Variants in DEPDC5 observed in about 807,000 individuals in gnomAD.
The protein encoded by DEPDC5 is GATOR1 complex protein DEPDC5.
A neutral mutation model predicts 217.3 loss-of-function variants in DEPDC5; 73 were observed. That is an observed-to-expected ratio of 0.34 (90% CI 0.28 to 0.41). DEPDC5 has a LOEUF of 0.41. DEPDC5 is among the 10% of genes least tolerant of loss of function. DEPDC5 has a pLI of 1.00. For missense variants in DEPDC5, 1,675 were observed against 2,070.1 expected (o/e 0.81, Z 3.70); for synonymous variants, 733 against 756.7 (o/e 0.97, Z 0.51).
chr22:31,855,835 TA>T (rs1251354140), intron 31 of DEPDC5, among the ~76,000 whole-genome samples: 1 of 152,296 alleles, frequency 6.6e-6, no homozygotes, highest in Non-Finnish European at 1.5e-5. Flanking sequence ...AAAAAAAATT[TA>T]AGGGAGAGTG....
Position 31,870,723 on chromosome 22 carries a change from C to A in DEPDC5, c.3464C>A (p.Ser1155Tyr). Residue 1155 changes from serine to tyrosine, a missense_variant, in exon 34 of 43, where the codon TCC becomes TAC. Physicochemically the swap from Ser to Tyr is moderately radical, Grantham distance 144. Coordinates refer to ENST00000651528, the MANE Select transcript of DEPDC5 (RefSeq NM_001242896.3). ...AACATAGGAGAACAGGGCTACTCCT[C>A]CACAAACTCCAGTGACAGCAGGTGA... ...SQNIGEQGYS[S>Y]TNSSDSSSQQ... The A allele has an allele frequency of 6.3e-7, 1 of 1,578,772 alleles. No homozygotes were observed. The highest frequency in any genetic ancestry group is 8.6e-7 in the Non-Finnish European group (1 of 1,165,258).
At chr22:31,758,414 G>A (rs2082111721) in intron 2 of DEPDC5, 132 bp from the exon 3 acceptor site, 7 of 745,478 alleles carry the variant, frequency 9.4e-6, no homozygotes, top group East Asian at 5.3e-5. Flanking sequence ...TGTAAGCCTC[G>A]TTTCAAAATA....
At position 31,818,974 on chromosome 22, in the gene DEPDC5, G is replaced by A. The variant is rs779240922; in HGVS notation, c.1667-48G>A. On this transcript the variant is annotated intron_variant, in intron 21 of 42. Transcript: ENST00000651528. The stretch of plus-strand genomic sequence containing the variant: ...CATTCTACCTAGCTCTGGTTTCACT[G>A]TGGTTCTGTGGTTTTTCTTTGTGAC... The A allele has an allele frequency of 3.1e-6, 5 of 1,598,598 alleles. No homozygotes were observed. In the Admixed American group the frequency reaches 6.7e-5, roughly 21 times the overall value.
At chr22:31,866,883 A>G (rs1307793303) in intron 33 of DEPDC5, among the ~76,000 whole-genome samples, 2 of 152,228 alleles carry the variant, frequency 1.3e-5, no homozygotes, top group African/African-American at 4.8e-5. Flanking sequence ...TCCACACAAC[A>G]TCACTGGCGA....
At chr22:31,820,648 G>A (rs1045075747) in intron 22 of DEPDC5, among the ~76,000 whole-genome samples, 1 of 151,996 alleles carries the variant, frequency 6.6e-6, no homozygotes, top group African/African-American at 2.4e-5. Context: ...TGTCTCCACT[G>A]GTTCCCTTCC....
At chr22:31,771,373 G>T (rs982976339) in intron 7 of DEPDC5, among the ~76,000 whole-genome samples, 1 of 152,098 alleles carries the variant, frequency 6.6e-6, no homozygotes, top group Non-Finnish European at 1.5e-5. Flanking sequence ...ATCACTTGAG[G>T]CCAGGAGTTC....
chr22:31,854,434 G>A (rs754153371), intron 31 of DEPDC5, among the ~76,000 whole-genome samples: 1 of 152,200 alleles, frequency 6.6e-6, no homozygotes, highest in Non-Finnish European at 1.5e-5. Context: ...TGGTGTCAGT[G>A]GACAAGGAAA....
chr22:31,772,708 G>A (rs368456073), intron 7 of DEPDC5, among the ~76,000 whole-genome samples: 1 of 151,488 alleles, frequency 6.6e-6, no homozygotes, highest in East Asian at 1.9e-4. Context: ...TGCCAGCCTC[G>A]GTTTGGAAAC....
chr22:31,889,305 T>C (rs1349163353), intron 38 of DEPDC5, among the ~76,000 whole-genome samples: 3 of 152,232 alleles, frequency 2.0e-5, no homozygotes, highest in African/African-American at 4.8e-5. Flanking sequence ...TAGAAACATA[T>C]GTACTGCCAA....
In DEPDC5 at chr22:31,906,265, G is replaced by A. The variant is rs200552561; in HGVS notation, c.4580G>A (p.Arg1527Gln). 84 of 1,613,812 alleles carry A rather than the reference G, an allele frequency of 5.2e-5. No individual in the cohort carries two copies. The highest frequency in any genetic ancestry group is 8.8e-5 in the South Asian group (8 of 91,090). Residue 1527 changes from arginine (R) to glutamine (Q), a missense_variant, in exon 43 of 43, where the codon CGG becomes CAG. Around this residue, in one of 11 missense-constraint regions of DEPDC5, gnomAD observed 182 missense variants for 290.1 expected, o/e 0.63. Coordinates refer to ENST00000651528, the MANE Select transcript of DEPDC5 (RefSeq NM_001242896.3). The surrounding 1 kb of genome is among the most constrained non-coding windows in gnomAD (Gnocchi z 5.1). ...KRKFSGQQRR[R>Q]RNSTSSTNQN... ...AAGTTCTCAGGGCAGCAGCGGCGGC[G>A]GCGGAACTCCACCAGCTCCACCAAC...
chr22:31,776,990 TCTCG>T (rs2083928298), intron 7 of DEPDC5, among the ~76,000 whole-genome samples: 1 of 151,708 alleles, frequency 6.6e-6, no homozygotes, highest in East Asian at 1.9e-4. Flanking sequence ...TGAGACAGAG[TCTCG>T]CTCTGTTGCC....
intron 24 of DEPDC5, among the ~76,000 whole-genome samples, chr22:31,827,888 A>G (rs1473211718): frequency 6.6e-6 from 1 of 152,106 alleles, no homozygotes; most frequent in East Asian, 1.9e-4. Flanking sequence ...TATGACTATT[A>G]ATAGTGTCCC....
At chr22:31,769,487 T>TTAGA (rs2083139834) in intron 7 of DEPDC5, 1 of 152,150 alleles carries the variant, frequency 6.6e-6, no homozygotes, top group African/African-American at 2.4e-5. Context: ...GGAAACAGGT[T>TTAGA]TAGAAACATA....
chr22:31,790,725 C>A (rs1387131565), intron 10 of DEPDC5, among the ~76,000 whole-genome samples: 2 of 151,738 alleles, frequency 1.3e-5, no homozygotes, highest in Non-Finnish European at 2.9e-5. Context: ...TATGATGAAA[C>A]CCTATCTCTC....
chr22:31,872,878 C>T (rs527989291), intron 34 of DEPDC5, among the ~76,000 whole-genome samples: 4 of 152,170 alleles, frequency 2.6e-5, no homozygotes, highest in Non-Finnish European at 5.9e-5. Context: ...TCTCAGCCTC[C>T]CAAGTAGCTG....
At chr22:31,798,261 T>G (rs1296188940) in intron 13 of DEPDC5, among the ~76,000 whole-genome samples, 1 of 152,172 alleles carries the variant, frequency 6.6e-6, no homozygotes, top group Non-Finnish European at 1.5e-5. Context: ...CCAGGTGTGA[T>G]GTCTCATGCC....
chr22:31,838,927 A>G, intron 27 of DEPDC5, 82 bp downstream of exon 27: 3 of 1,430,494 alleles, frequency 2.1e-6, no homozygotes, highest in Non-Finnish European at 2.8e-6. Flanking sequence ...TAGGTAGTAG[A>G]TAAATTTAGT....
Position 31,861,350 on chromosome 22 carries a change from C to T in DEPDC5, c.3265-18C>T. 1 of 1,551,170 alleles carries T rather than the reference C, an allele frequency of 6.4e-7. No individual in the cohort carries two copies. Among genetic ancestry groups the T allele is most frequent in the Non-Finnish European group, 8.7e-7 (1 of 1,146,646 alleles). On this transcript the variant is annotated intron_variant, in intron 32 of 42. Transcript: ENST00000651528. The stretch of plus-strand genomic sequence containing the variant: ...TCCTTGCAACTGCTGCTGCTGCTTC[C>T]TCCTCCTGTGACTTCAGGACGGGGC...
At chr22:31,884,330 C>T (rs955709797) in intron 38 of DEPDC5, among the ~76,000 whole-genome samples, 1 of 152,184 alleles carries the variant, frequency 6.6e-6, no homozygotes, top group African/African-American at 2.4e-5. Flanking sequence ...GCATCCCTGT[C>T]GATCTGTGAC....
Sources: allele counts gnomAD v4.1 joint callset (sites outside exome capture counted in the v4.1 genomes callset), GRCh38; gene constraint gnomAD v4.1.1; regional missense constraint gnomAD v4.1.1; non-coding constraint Gnocchi (gnomAD v3.1); transcripts MANE v1.5; gene names NCBI Gene and HGNC (gene_info 2026-07-23, HGNC 2026-07-21).